The following STAT5B variants were observed in gnomAD, a reference collection of about 807,000 sequenced individuals.
STAT5B encodes the protein signal transducer and activator of transcription 5B, also known as transcription factor STAT5B.
In STAT5B, 21 loss-of-function variants were observed where a neutral mutation model predicts 107.8. The observed-to-expected ratio is 0.19, with a 90% CI of 0.14 to 0.28. STAT5B has a LOEUF of 0.28. Among genes scored for constraint, STAT5B ranks in the 10% least tolerant of loss-of-function variants. The pLI is 1.00. For synonymous variants in STAT5B, 325 were observed against 401.7 expected, an observed-to-expected ratio of 0.81 and a Z score of 2.28; for missense variants, 565 against 1,008.2, an observed-to-expected ratio of 0.56 and a Z score of 5.95.
At chr17:42,204,808 C>G (rs1027141173) in intron 16 of STAT5B, among the ~76,000 whole-genome samples, 1 of 152,146 alleles carries the variant, frequency 6.6e-6, no homozygotes. Flanking sequence ...GAGATGGAGT[C>G]TCACTATGTT....
chr17:42,218,640 T>C, intron 8 of STAT5B, 83 bp downstream of exon 8: 1 of 1,608,630 alleles, frequency 6.2e-7, no homozygotes, highest in Non-Finnish European at 8.5e-7. Flanking sequence ...GTGGATCTGC[T>C]GGTCTGGAAG....
chr17:42,201,665 A>G lies in STAT5B; in HGVS notation c.*73T>C. 3.0e-6 allele frequency: 3 copies of G among 1,004,284 alleles called. No homozygotes were observed. The highest frequency in any genetic ancestry group is 1.3e-5 in the South Asian group (1 of 78,728). 62.2% of individuals were successfully genotyped at this position (1,004,284 alleles called of 1,614,324 possible). A position where few individuals can be genotyped will look rare whatever the true frequency, so the allele number is the denominator to read the frequency against. On this transcript the variant is annotated 3_prime_UTR_variant, in exon 19 of 19. Transcript: ENST00000293328. Reference sequence around the variant, plus strand: ...TATTGTTTCAAAAGAGAAGCGATTCATGGAATTAAAACATCCACAAGAGTG... The same window carrying G: ...TATTGTTTCAAAAGAGAAGCGATTCGTGGAATTAAAACATCCACAAGAGTG...
At chr17:42,217,008 A>C (rs2144240378) in intron 11 of STAT5B, 152 bp downstream of exon 11, 2 of 1,359,552 alleles carry the variant, frequency 1.5e-6, no homozygotes, top group East Asian at 5.0e-5. Flanking sequence ...AACCTAAGTG[A>C]AACAGTTCTC....
chr17:42,218,681 G>A, intron 8 of STAT5B, 42 bp downstream of exon 8: 1 of 1,611,716 alleles, frequency 6.2e-7, no homozygotes, highest in Non-Finnish European at 8.5e-7. Context: ...GCAGGCAGGA[G>A]CTGCCCCAAG....
chr17:42,235,759 A>G (rs1360300407), intron 1 of STAT5B, among the ~76,000 whole-genome samples: 1 of 152,194 alleles, frequency 6.6e-6, no homozygotes, highest in Non-Finnish European at 1.5e-5. Context: ...TACAGGCGTG[A>G]GCCACCACGC....
chr17:42,231,237 G>A (rs989183805), intron 2 of STAT5B, among the ~76,000 whole-genome samples: 2 of 152,094 alleles, frequency 1.3e-5, no homozygotes, highest in Non-Finnish European at 2.9e-5. Flanking sequence ...AACTGCTGGG[G>A]TCAAGCAATC....
upstream of STAT5B, among the ~76,000 whole-genome samples, chr17:42,280,793 A>C (rs2080792259): frequency 6.6e-6 from 1 of 152,132 alleles, no homozygotes; most frequent in Admixed American, 6.5e-5. Context: ...CTGCCAGAGC[A>C]TTGGTGGTGA....
At chr17:42,214,375 A>G in intron 12 of STAT5B, 1 of 985,386 alleles carries the variant, frequency 1.0e-6, no homozygotes, top group Non-Finnish European at 1.2e-6. Context: ...AGTTTCAAAA[A>G]GGAGCTTCTG....
At chr17:42,263,869 GCGCA>G (rs1163747304) in intron 1 of STAT5B, among the ~76,000 whole-genome samples, 6 of 63,454 alleles carry the variant, frequency 9.5e-5, no homozygotes, top group South Asian at 6.0e-4. Context: ...ACTAGAAAGC[GCGCA>G]CACACACACA....
intron 1 of STAT5B, among the ~76,000 whole-genome samples, chr17:42,256,316 A>G (rs995205498): frequency 5.3e-5 from 8 of 152,048 alleles, no homozygotes; most frequent in Admixed American, 2.6e-4. Flanking sequence ...CATGGGCTCA[A>G]GTGACCCTCC....
intron 1 of STAT5B, among the ~76,000 whole-genome samples, chr17:42,257,734 G>A (rs1436201717): frequency 6.6e-6 from 1 of 152,160 alleles, no homozygotes; most frequent in Non-Finnish European, 1.5e-5. Flanking sequence ...TAGCAGTACA[G>A]GGTGGTAGAT....
At chr17:42,268,396 C>T (rs925751317) in intron 1 of STAT5B, among the ~76,000 whole-genome samples, 3 of 152,096 alleles carry the variant, frequency 2.0e-5, no homozygotes, top group South Asian at 2.1e-4. Flanking sequence ...TAGGGCTCAC[C>T]ATCTACGTTT....
chr17:42,220,572 G>A (rs1467115027), intron 5 of STAT5B, among the ~76,000 whole-genome samples: 1 of 152,134 alleles, frequency 6.6e-6, no homozygotes, highest in Non-Finnish European at 1.5e-5. Context: ...CAGCATGTTT[G>A]TCCAGGTGAG....
chr17:42,262,968 GTGTATATATATATATATATA>G (rs1453258457), intron 1 of STAT5B, among the ~76,000 whole-genome samples: 17 of 32,694 alleles, frequency 5.2e-4, no homozygotes, highest in African/African-American at 1.3e-3. Context: ...GTGTGTGTGT[GTGTATATATATATATATATA>G]TATATATATA....
intron 1 of STAT5B, among the ~76,000 whole-genome samples, chr17:42,263,283 A>C (rs1337781524): frequency 1.3e-5 from 2 of 151,876 alleles, no homozygotes; most frequent in Non-Finnish European, 2.9e-5. Flanking sequence ...AAACTCTAAA[A>C]ATGTTAAATG....
intron 1 of STAT5B, chr17:42,271,771 A>G (rs1420571438): frequency 6.6e-6 from 1 of 152,200 alleles, no homozygotes; most frequent in Non-Finnish European, 1.5e-5. Context: ...TTAAGAATAA[A>G]CCTAAAGAAG....
chr17:42,270,577 G>A (rs1025051171), intron 1 of STAT5B: 1 of 151,830 alleles, frequency 6.6e-6, no homozygotes, highest in African/African-American at 2.4e-5. Context: ...ACTTTAATTG[G>A]AAAAATATTT....
chr17:42,265,897 A>G (rs528374253), intron 1 of STAT5B, among the ~76,000 whole-genome samples: 1 of 152,060 alleles, frequency 6.6e-6, no homozygotes, highest in Non-Finnish European at 1.5e-5. Context: ...GGCTATTTGT[A>G]GTTCTTCTTT....
intron 1 of STAT5B, among the ~76,000 whole-genome samples, chr17:42,250,823 CT>C (rs1450214079): frequency 1.3e-5 from 2 of 151,154 alleles, no homozygotes; most frequent in Non-Finnish European, 2.9e-5. Flanking sequence ...ACTCGGGAGG[CT>C]GAGGCAGGAG....
Sources: gnomAD v4.1 joint callset for allele counts (sites outside exome capture counted in the v4.1 genomes callset) on GRCh38, gnomAD v4.1.1 for gene constraint, MANE v1.5 for transcripts, NCBI Gene and HGNC (gene_info 2026-07-23, HGNC 2026-07-21) for gene names.